Variants in SCG3 observed in about 807,000 individuals in gnomAD.
SCG3 encodes secretogranin III.
Under a neutral mutation model 56.2 loss-of-function variants are expected in SCG3, and 38 were observed. That is an observed-to-expected ratio of 0.68 (90% CI 0.52 to 0.89). The LOEUF (loss-of-function observed/expected upper bound fraction) is 0.89. Ranked by LOEUF, SCG3 falls within the 40% of genes least tolerant of loss-of-function variation. SCG3 has a pLI of 0.00. For synonymous variants in SCG3, 176 were observed against 184.2 expected, an observed-to-expected ratio of 0.96 and a Z score of 0.36; for missense variants, 524 against 540.7, an observed-to-expected ratio of 0.97 and a Z score of 0.31.
Position 51,703,489 on chromosome 15 carries a change from T to C in SCG3, c.1207+2245T>C, listed in dbSNP as rs115292344. Among the ~76,000 whole-genome samples the C allele has an allele frequency of 3.2e-4, 48 of 152,352 alleles. No homozygotes were observed. In the South Asian group the frequency reaches 9.1e-3, roughly 29 times the overall value. On this transcript the variant is annotated intron_variant, in intron 10 of 11. Coordinates refer to ENST00000220478, the MANE Select transcript of SCG3 (RefSeq NM_013243.4). ...TGATGATGATGACTTTATGCCTAAATTGGTGTAGCTTGGGCAGTGGGAGCT... is the reference window on the plus strand; with the variant it reads ...TGATGATGATGACTTTATGCCTAAACTGGTGTAGCTTGGGCAGTGGGAGCT...
In SCG3 at chr15:51,682,733, T is replaced by G. The variant is rs573630982; in HGVS notation, c.135+164T>G. Among the ~76,000 whole-genome samples, 22 of 152,348 alleles carry G rather than the reference T, an allele frequency of 1.4e-4. No individual in the cohort carries two copies. In the South Asian group the frequency reaches 1.7e-3, roughly 11 times the overall value. On this transcript the variant is annotated intron_variant, in intron 2 of 11. Transcript: ENST00000220478. ...CGGGAAATCTAGTTTTGGTAAATTC[T>G]ATGCCCTAGCAGTTATTTACATTGA... is the stretch of plus-strand genomic sequence containing the variant.
intron 9 of SCG3, among the ~76,000 whole-genome samples, chr15:51,700,356 C>A (rs1195823326): frequency 6.6e-6 from 1 of 152,174 alleles, no homozygotes; most frequent in African/African-American, 2.4e-5. Flanking sequence ...TGTTAGACTG[C>A]TTGAGGTTCC....
In SCG3 at chr15:51,696,004, G is replaced by A. The variant is rs774691028; in HGVS notation, c.985+13G>A. 8 of 1,450,896 alleles carry A rather than the reference G, an allele frequency of 5.5e-6. No individual in the cohort carries two copies. The Admixed American group carries it at 1.0e-4, about 18-fold the overall frequency. The allele number at this position is 1,450,896 out of a possible 1,614,324, so 89.9% of individuals were successfully genotyped here. A position where few individuals can be genotyped will look rare whatever the true frequency, so the allele number is the denominator to read the frequency against. The stretch of plus-strand genomic sequence containing the variant: ...GTTTCCTACCTTGGTGAGATTCTAT[G>A]TGTTTTGTTTCTACTGTGGTGGTTT... On this transcript the variant is annotated intron_variant, in intron 8 of 11. Coordinates refer to ENST00000220478, the MANE Select transcript of SCG3 (RefSeq NM_013243.4).
intron 11 of SCG3, among the ~76,000 whole-genome samples, chr15:51,717,429 G>A (rs1253650937): frequency 6.6e-6 from 1 of 151,602 alleles, no homozygotes; most frequent in African/African-American, 2.4e-5. Context: ...AGTTACTCAG[G>A]AGGCTGAAGC....
intron 11 of SCG3, among the ~76,000 whole-genome samples, chr15:51,715,906 G>A (rs2055452146): frequency 6.6e-6 from 1 of 151,326 alleles, no homozygotes; most frequent in South Asian, 2.1e-4. Context: ...CGCCCAGGCT[G>A]GAGTGCAGTG....
intron 11 of SCG3, 91 bp from the exon 12 acceptor site, chr15:51,719,317 T>A (rs1347382485): frequency 2.4e-6 from 2 of 816,870 alleles, no homozygotes; most frequent in Admixed American, 4.4e-5. Flanking sequence ...ATTGTGTTAT[T>A]GTATAAAATG....
chr15:51,706,265 C>A (rs2055375097), intron 10 of SCG3, among the ~76,000 whole-genome samples: 1 of 152,286 alleles, frequency 6.6e-6, no homozygotes, highest in Middle Eastern at 3.4e-3. Flanking sequence ...CAATGGCATG[C>A]CTAGCGCTGT....
chr15:51,686,053 T>C (rs1401065545), intron 4 of SCG3, among the ~76,000 whole-genome samples: 1 of 152,200 alleles, frequency 6.6e-6, no homozygotes, highest in Non-Finnish European at 1.5e-5. Context: ...ATTCAAAACA[T>C]AACTGGGCAG....
At chr15:51,695,643 A>G (rs2055297831) in intron 7 of SCG3, 1 of 377,342 alleles carries the variant, frequency 2.7e-6, no homozygotes, top group African/African-American at 2.1e-5. Flanking sequence ...CTATAGTTCC[A>G]ACTTCATGGA....
At chr15:51,711,931 C>A (rs533756611) in intron 10 of SCG3, among the ~76,000 whole-genome samples, 2 of 152,140 alleles carry the variant, frequency 1.3e-5, no homozygotes, top group Admixed American at 6.5e-5. Context: ...AAGAAAGATG[C>A]TCAGAGAGTC....
intron 10 of SCG3, among the ~76,000 whole-genome samples, chr15:51,712,671 A>C (rs1488237973): frequency 6.6e-6 from 1 of 152,174 alleles, no homozygotes; most frequent in Non-Finnish European, 1.5e-5. Context: ...GGCATCACAG[A>C]GTAGGTGCAT....
At chr15:51,692,830 A>G (rs1214800682) in intron 7 of SCG3, among the ~76,000 whole-genome samples, 1 of 152,202 alleles carries the variant, frequency 6.6e-6, no homozygotes, top group Non-Finnish European at 1.5e-5. Flanking sequence ...GAATCTAACT[A>G]GTGTATCTAT....
At chr15:51,688,155 A>T (rs896261646) in intron 4 of SCG3, 105 bp from the exon 5 acceptor site, 3 of 1,096,910 alleles carry the variant, frequency 2.7e-6, no homozygotes, top group Non-Finnish European at 3.8e-6. Flanking sequence ...ATACATTTCA[A>T]ACATATCTGA....
rs772546825 is a variant in SCG3 at position 51,692,138 on chromosome 15, A to G, written c.691-21A>G. The G allele has an allele frequency of 4.4e-6, 7 of 1,573,840 alleles. No homozygotes were observed. In the African/African-American group the frequency reaches 6.9e-5, roughly 15 times the overall value. On this transcript the variant is annotated intron_variant, in intron 6 of 11. Transcript: ENST00000220478. ...AGTTCTAACAAAATGTTCATTTTTT[A>G]TTGATTTTTCCCCACTGGAGACTCC...
At chr15:51,715,031 T>A (rs1452536294) in intron 11 of SCG3, 4 of 152,220 alleles carry the variant, frequency 2.6e-5, no homozygotes, top group African/African-American at 9.6e-5. Context: ...CCAAAATACA[T>A]CCCAAAGCCA....
intron 11 of SCG3, 28 bp from the exon 12 acceptor site, chr15:51,719,380 C>A: frequency 6.5e-7 from 1 of 1,529,022 alleles, no homozygotes; most frequent in Non-Finnish European, 9.1e-7. Flanking sequence ...CTGATCTTTG[C>A]TCATTATGCT....
Position 51,689,325 on chromosome 15 carries a change from C to A in SCG3, c.647C>A (p.Thr216Lys). The change falls in exon 6 of 12, where the codon ACA (threonine) becomes AAA (lysine). Residue 216 changes from threonine to lysine, a missense_variant. Physicochemically the swap from Thr to Lys is moderately conservative, Grantham distance 78. Coordinates refer to ENST00000220478, the MANE Select transcript of SCG3 (RefSeq NM_013243.4). ...TATGAGGAGGATCCCAATAAGCCCA[C>A]AAGCTGGACTGAGAATCAGGCTGGA... ...NNYEEDPNKP[T>K]SWTENQAGKI... 1 of 1,613,868 alleles carries A rather than the reference C, an allele frequency of 6.2e-7. No individual in the cohort carries two copies. The highest frequency in any genetic ancestry group is 8.5e-7 in the Non-Finnish European group (1 of 1,179,956).
chr15:51,691,909 T>A (rs2055269127), intron 6 of SCG3, among the ~76,000 whole-genome samples: 1 of 152,200 alleles, frequency 6.6e-6, no homozygotes, highest in South Asian at 2.1e-4. Flanking sequence ...ATTCCCGTTT[T>A]TCCCCTGAGC....
In SCG3 at chr15:51,681,697, C is replaced by CA; in HGVS notation, c.-55dup. 1.0e-6 allele frequency: 1 copy of CA among 975,572 alleles called. No homozygotes were observed. Among genetic ancestry groups the CA allele is most frequent in the East Asian group, 5.1e-5 (1 of 19,714 alleles). 60.4% of individuals were successfully genotyped at this position (975,572 alleles called of 1,614,324 possible). On this transcript the variant is annotated 5_prime_UTR_variant, in exon 1 of 12. Transcript: ENST00000220478. ...TTTTACTCCTCCTTTTCATTCATAACAAAAGCTACAGCTCCAGGAGCCCAG... is the reference window on the plus strand; with the variant it reads ...TTTTACTCCTCCTTTTCATTCATAACAAAAAGCTACAGCTCCAGGAGCCCAG...
Sources: allele counts gnomAD v4.1 joint callset (sites outside exome capture counted in the v4.1 genomes callset), GRCh38; gene constraint gnomAD v4.1.1; transcripts MANE v1.5; gene names NCBI Gene and HGNC (gene_info 2026-07-23, HGNC 2026-07-21).